TUSC3: variants seen among roughly 807,000 people sequenced by gnomAD.
TUSC3 encodes the protein dolichyl-diphosphooligosaccharide--protein glycosyltransferase subunit TUSC3.
In TUSC3, 45 loss-of-function variants were observed where a neutral mutation model predicts 44.8. That is an observed-to-expected ratio of 1.00 (90% CI 0.79 to 1.29). The LOEUF is 1.29. Among genes scored for constraint, TUSC3 ranks in the 50% most tolerant of loss-of-function variants. The pLI, the probability that TUSC3 is intolerant of heterozygous loss-of-function variation, is 0.00. For synonymous variants in TUSC3, 212 were observed against 152.9 expected (o/e 1.39, Z -2.85); for missense variants, 519 against 437.9 (o/e 1.19, Z -1.65).
intron 1 of TUSC3, among the ~76,000 whole-genome samples, chr8:15,595,004 A>G (rs1804004288): frequency 6.6e-6 from 1 of 151,948 alleles, no homozygotes. Flanking sequence ...GCAATATGAT[A>G]CTCTGGGCTA....
intron 2 of TUSC3, among the ~76,000 whole-genome samples, chr8:15,484,862 A>G (rs1055454590): frequency 1.3e-5 from 2 of 152,264 alleles, no homozygotes; most frequent in African/African-American, 2.4e-5. Flanking sequence ...GGAAAACTTC[A>G]TAAGACTACT....
the TUSC3 span, among the ~76,000 whole-genome samples, chr8:15,822,282 TA>T: frequency 6.6e-6 from 1 of 152,142 alleles, no homozygotes; most frequent in Non-Finnish European, 1.5e-5. Flanking sequence ...GCAGAAGATA[TA>T]AAAATGTAGA....
chr8:15,828,867 G>A, the TUSC3 span, among the ~76,000 whole-genome samples: 7 of 152,062 alleles, frequency 4.6e-5, no homozygotes, highest in South Asian at 2.1e-4. Context: ...CATTTGTTTC[G>A]TCACTGGAGG....
chr8:15,789,578 AAAAAT>A, the TUSC3 span, among the ~76,000 whole-genome samples: 1 of 152,190 alleles, frequency 6.6e-6, no homozygotes, highest in Admixed American at 6.5e-5. Context: ...CATTCTAACA[AAAAAT>A]AAACAAAATC....
At chr8:15,735,880 T>TG (rs1193446294) in intron 7 of TUSC3, among the ~76,000 whole-genome samples, 4 of 37,620 alleles carry the variant, frequency 1.1e-4, no homozygotes, top group African/African-American at 3.3e-4. Context: ...GTTTTTTTTT[T>TG]TTGTTTTTTT....
intron 7 of TUSC3, among the ~76,000 whole-genome samples, chr8:15,731,648 A>T (rs1181175719): frequency 6.6e-6 from 1 of 152,182 alleles, no homozygotes; most frequent in Non-Finnish European, 1.5e-5. Flanking sequence ...CCTGTGTTCA[A>T]GTACTTCAGT....
intron 1 of TUSC3, among the ~76,000 whole-genome samples, chr8:15,481,222 G>C (rs1800655656): frequency 1.4e-5 from 2 of 137,990 alleles, no homozygotes; most frequent in African/African-American, 5.5e-5. Context: ...ACTACAACCT[G>C]AGCAGCAAGA....
intron 1 of TUSC3, among the ~76,000 whole-genome samples, chr8:15,424,228 C>G (rs771653434): frequency 3.3e-5 from 5 of 151,800 alleles, no homozygotes; most frequent in Admixed American, 1.3e-4. Flanking sequence ...ACCTTGTGAT[C>G]TGCCCCCTTG....
intron 2 of TUSC3, among the ~76,000 whole-genome samples, chr8:15,644,637 G>A (rs1806542639): frequency 1.3e-5 from 2 of 152,042 alleles, no homozygotes; most frequent in African/African-American, 4.8e-5. Context: ...TATGGAGGGC[G>A]CATAAGGGAT....
intron 1 of TUSC3, among the ~76,000 whole-genome samples, chr8:15,583,182 C>G (rs551930725): frequency 1.3e-5 from 2 of 152,196 alleles, no homozygotes; most frequent in East Asian, 1.9e-4. Flanking sequence ...TTTATGTCGT[C>G]AAAATGAAAT....
intron 1 of TUSC3, among the ~76,000 whole-genome samples, chr8:15,468,910 A>G (rs1279210590): frequency 6.6e-6 from 1 of 151,354 alleles, no homozygotes; most frequent in Non-Finnish European, 1.5e-5. Flanking sequence ...AAGAGTGCAG[A>G]CAGATTAAAA....
At chr8:15,829,151 A>G in the TUSC3 span, among the ~76,000 whole-genome samples, 1 of 152,070 alleles carries the variant, frequency 6.6e-6, no homozygotes, top group African/African-American at 2.4e-5. Context: ...CTACAATTGC[A>G]TGGTGTATGT....
intron 6 of TUSC3, among the ~76,000 whole-genome samples, chr8:15,715,690 T>C (rs12156036): frequency 0.17 from 25,732 of 150,342 alleles, 2,183 homozygotes; most frequent in South Asian, 0.24. Context: ...CATTTCCTGA[T>C]GTAAAACAGA....
intron 2 of TUSC3, among the ~76,000 whole-genome samples, chr8:15,643,684 T>G (rs1806489027): frequency 6.6e-6 from 1 of 152,202 alleles, no homozygotes; most frequent in South Asian, 2.1e-4. Context: ...GGTAGTGAAC[T>G]GTTGATTTCT....
chr8:15,545,668 T>G (rs1801839289), intron 1 of TUSC3, among the ~76,000 whole-genome samples: 1 of 151,708 alleles, frequency 6.6e-6, no homozygotes, highest in Non-Finnish European at 1.5e-5. Flanking sequence ...CCAGCATGTT[T>G]AGTCCCATAT....
At position 15,423,969 on chromosome 8, in the gene TUSC3, GTTTTTTTTTTTT is replaced by G. The variant is rs112397215; in HGVS notation, n.91+6691_91+6702del. 6.8e-3 allele frequency among the ~76,000 whole-genome samples: 478 copies of G among 70,394 alleles called. 27 individuals are homozygous for G. Among genetic ancestry groups the G allele is most frequent in the African/African-American group, 0.018 (448 of 24,502 alleles). The allele number at this position is 70,394 out of a possible 152,430, so 46.2% of individuals were successfully genotyped here. A position where few individuals can be genotyped will look rare whatever the true frequency, so the allele number is the denominator to read the frequency against. ...TACAGCATTCATACTGTTTTGCTTTGTTTTTTTTTTTTTTTTTTTTTTTTTTTTTTTTTTTTT... is the reference window on the plus strand; with the variant it reads ...TACAGCATTCATACTGTTTTGCTTTGTTTTTTTTTTTTTTTTTTTTTTTTT... On this transcript the variant is annotated intron_variant and non_coding_transcript_variant, in intron 1 of 5. Coordinates refer to the TUSC3 transcript ENST00000503191.
chr8:15,764,325 C>T lies in TUSC3; in HGVS notation c.*169C>T, dbSNP rs557028970. 7 of 1,226,906 alleles carry T rather than the reference C, an allele frequency of 5.7e-6. No individual in the cohort carries two copies. In the East Asian group the frequency reaches 1.5e-4, roughly 26 times the overall value. The allele number at this position is 1,226,906 out of a possible 1,614,324, so 76.0% of individuals were successfully genotyped here. On this transcript the variant is annotated 3_prime_UTR_variant, in exon 11 of 11. Transcript: ENST00000503731. ...TTTCATTGTGATCAGCTAGCTTATT[C>T]TTGTGTACTTTTTTTAAACTGTGGG...
intron 1 of TUSC3, among the ~76,000 whole-genome samples, chr8:15,437,332 T>C (rs1407139347): frequency 6.6e-6 from 1 of 152,222 alleles, no homozygotes. Flanking sequence ...TAGACCTACA[T>C]ATCTCTGTTT....
intron 1 of TUSC3, among the ~76,000 whole-genome samples, chr8:15,424,815 G>T (rs1193495937): frequency 1.3e-5 from 2 of 152,118 alleles, no homozygotes; most frequent in East Asian, 3.9e-4. Context: ...GGAGGCAGAG[G>T]TTGCAGTGAG....
Sources: gnomAD v4.1 joint callset for allele counts (sites outside exome capture counted in the v4.1 genomes callset) on GRCh38, gnomAD v4.1.1 for gene constraint, MANE v1.5 for transcripts, NCBI Gene and HGNC (gene_info 2026-07-23, HGNC 2026-07-21) for gene names.